The following NPIPB2 variants were observed in gnomAD, a reference collection of about 807,000 sequenced individuals.
NPIPB2 encodes nuclear pore complex-interacting protein family member B2.
A neutral mutation model predicts 30.8 loss-of-function variants in NPIPB2; 27 were observed. The observed-to-expected ratio is 0.88, with a 90% CI of 0.65 to 1.21. The LOEUF is 1.21. NPIPB2 is among the 50% of genes most tolerant of loss of function. The probability of loss-of-function intolerance (pLI) is 0.00; values close to 1 mark genes in which losing one functional copy is unlikely to be tolerated. For missense variants in NPIPB2, 440 were observed against 446.2 expected (o/e 0.99, Z 0.13); for synonymous variants, 147 against 162.0 (o/e 0.91, Z 0.70).
chr16:11,975,975 C>G (rs1198886472), intron 1 of NPIPB2, among the ~76,000 whole-genome samples: 1 of 151,812 alleles, frequency 6.6e-6, no homozygotes, highest in East Asian at 2.0e-4. Context: ...AGAACGGCGT[C>G]TCGCTACGTT....
At chr16:11,955,094 G>T (rs565057595) in intron 1 of NPIPB2, among the ~76,000 whole-genome samples, 4 of 151,846 alleles carry the variant, frequency 2.6e-5, no homozygotes, top group Non-Finnish European at 4.4e-5. Flanking sequence ...CAGAATTTAG[G>T]CTGGGCGCGG....
At chr16:11,971,443 G>A (rs554902145) in intron 1 of NPIPB2, among the ~76,000 whole-genome samples, 1 of 151,478 alleles carries the variant, frequency 6.6e-6, no homozygotes, top group Non-Finnish European at 1.5e-5. Context: ...ATGGGGGAGT[G>A]GGGTGGTGGG....
At chr16:11,958,024 C>G (rs370265588) in intron 1 of NPIPB2, among the ~76,000 whole-genome samples, 5 of 152,166 alleles carry the variant, frequency 3.3e-5, no homozygotes, top group African/African-American at 1.2e-4. Context: ...TTTGCAAACT[C>G]TCCCCAAATA....
At chr16:11,971,277 C>A (rs2055234078) in intron 1 of NPIPB2, among the ~76,000 whole-genome samples, 1 of 152,132 alleles carries the variant, frequency 6.6e-6, no homozygotes, top group Non-Finnish European at 1.5e-5. Flanking sequence ...TGACCAATGG[C>A]CATGACACAG....
intron 4 of NPIPB2, among the ~76,000 whole-genome samples, chr16:11,931,483 T>C (rs2150907850): frequency 6.6e-6 from 1 of 151,824 alleles, no homozygotes; most frequent in East Asian, 1.9e-4. Flanking sequence ...AATGAACTTG[T>C]TTCTGACCAC....
At chr16:11,965,298 T>C in intron 1 of NPIPB2, 1 of 1,613,820 alleles carries the variant, frequency 6.2e-7, no homozygotes, top group East Asian at 2.2e-5. Flanking sequence ...GTTCTTTCTG[T>C]AGCTCCCTTG....
intron 1 of NPIPB2, among the ~76,000 whole-genome samples, chr16:11,975,410 G>A (rs889621495): frequency 6.6e-6 from 1 of 151,514 alleles, no homozygotes; most frequent in Non-Finnish European, 1.5e-5. Flanking sequence ...GCCTCCCAAA[G>A]TGCTGGGATT....
chr16:11,966,084 C>T (rs536562682), intron 1 of NPIPB2: 1 of 1,178,814 alleles, frequency 8.5e-7, no homozygotes, highest in Non-Finnish European at 1.1e-6. Flanking sequence ...GCACTCTAGC[C>T]TGGGCAACAG....
At chr16:11,960,095 T>TA in intron 1 of NPIPB2, among the ~76,000 whole-genome samples, 1 of 152,028 alleles carries the variant, frequency 6.6e-6, no homozygotes, top group Non-Finnish European at 1.5e-5. Flanking sequence ...GTTTTTCACT[T>TA]AGTGATTTAT....
chr16:11,966,181 T>G, intron 1 of NPIPB2: 1 of 1,603,080 alleles, frequency 6.2e-7, no homozygotes, highest in East Asian at 2.2e-5. Context: ...CTGTCTGATG[T>G]TCTTTTCATA....
intron 1 of NPIPB2, chr16:11,965,392 C>G: frequency 6.2e-7 from 1 of 1,614,116 alleles, no homozygotes; most frequent in Non-Finnish European, 8.5e-7. Flanking sequence ...GCTTGCATAC[C>G]TTGTCAACTT....
At chr16:11,943,334 T>C (rs1240337919), upstream of NPIPB2, among the ~76,000 whole-genome samples, 2 of 151,876 alleles carry the variant, frequency 1.3e-5, no homozygotes, top group Non-Finnish European at 2.9e-5. Context: ...CAGCAACAAC[T>C]ACAAACAAAC....
At chr16:11,967,487 G>A (rs181951759) in intron 1 of NPIPB2, 1 of 1,376,356 alleles carries the variant, frequency 7.3e-7, no homozygotes, top group Admixed American at 2.2e-5. Flanking sequence ...ACATTGCTTT[G>A]AGTCCCGATG....
At chr16:11,954,478 T>TA (rs78546699) in intron 1 of NPIPB2, among the ~76,000 whole-genome samples, 508 of 122,708 alleles carry the variant, frequency 4.1e-3, no homozygotes, top group Admixed American at 5.7e-3. Flanking sequence ...ACTCTGTCTT[T>TA]AAAAAAAAAA....
At chr16:11,950,908 A>G (rs1401523074) in intron 1 of NPIPB2, among the ~76,000 whole-genome samples, 1 of 152,124 alleles carries the variant, frequency 6.6e-6, no homozygotes, top group Non-Finnish European at 1.5e-5. Flanking sequence ...GAAGTAAGAC[A>G]TTGGATGGCT....
chr16:11,958,517 T>G (rs914463827), intron 1 of NPIPB2, among the ~76,000 whole-genome samples: 4 of 150,624 alleles, frequency 2.7e-5, no homozygotes, highest in Non-Finnish European at 5.9e-5. Flanking sequence ...ATGGCTTGAG[T>G]CTAGGAGTTT....
chr16:11,933,113 T>C (rs1428438905), intron 4 of NPIPB2, among the ~76,000 whole-genome samples: 1 of 151,534 alleles, frequency 6.6e-6, no homozygotes, highest in African/African-American at 2.4e-5. Flanking sequence ...ATACAAAAAT[T>C]AGCTGGGCGT....
intron 2 of NPIPB2, among the ~76,000 whole-genome samples, chr16:11,934,329 G>A (rs1259753953): frequency 5.3e-5 from 8 of 150,796 alleles, no homozygotes; most frequent in African/African-American, 9.8e-5. Flanking sequence ...CGAGGCAGGC[G>A]GATCACCTGA....
upstream of NPIPB2, among the ~76,000 whole-genome samples, chr16:11,942,956 T>C (rs1215918006): frequency 7.9e-5 from 12 of 151,736 alleles, no homozygotes; most frequent in East Asian, 7.7e-4. Flanking sequence ...AAATATTCTA[T>C]TGATGCTACA....
Sources: allele counts gnomAD v4.1 joint callset (sites outside exome capture counted in the v4.1 genomes callset), GRCh38; gene constraint gnomAD v4.1.1; transcripts MANE v1.5; gene names NCBI Gene and HGNC (gene_info 2026-07-23, HGNC 2026-07-21).